Variants in CNTNAP5 observed in about 807,000 individuals in gnomAD.
The protein encoded by CNTNAP5 is contactin-associated protein-like 5.
In CNTNAP5, 72 loss-of-function variants were observed where a neutral mutation model predicts 150.2. That is an observed-to-expected ratio of 0.48 (90% CI 0.40 to 0.58). The LOEUF is 0.58. Among genes scored for constraint, CNTNAP5 ranks in the 20% least tolerant of loss-of-function variants. CNTNAP5 has a pLI of 0.00. For missense variants in CNTNAP5, 1,636 were observed against 1,626.2 expected, an observed-to-expected ratio of 1.01 and a Z score of -0.10; for synonymous variants, 672 against 619.8, an observed-to-expected ratio of 1.08 and a Z score of -1.25.
At chr2:124,529,292 T>C (rs185485839) in intron 10 of CNTNAP5, among the ~76,000 whole-genome samples, 23 of 152,290 alleles carry the variant, frequency 1.5e-4, no homozygotes, top group Admixed American at 9.2e-4. Context: ...AACAGGGGTC[T>C]CTTATGCTAC....
At chr2:124,746,671 A>T (rs1222050529) in intron 13 of CNTNAP5, among the ~76,000 whole-genome samples, 3 of 152,196 alleles carry the variant, frequency 2.0e-5, no homozygotes, top group Admixed American at 6.5e-5. Context: ...CTGAGTCTTT[A>T]ACTTCCTCAT....
At chr2:124,205,160 C>A (rs892900016) in intron 1 of CNTNAP5, among the ~76,000 whole-genome samples, 3 of 152,108 alleles carry the variant, frequency 2.0e-5, no homozygotes, top group Non-Finnish European at 4.4e-5. Flanking sequence ...CCATAATACC[C>A]ATGTGTCATG....
Position 124,510,313 on chromosome 2 carries a change from C to CTATATATCTATATA in CNTNAP5, c.1327+5768_1327+5769insATATATATATCTAT, listed in dbSNP as rs1175360881. The stretch of plus-strand genomic sequence containing the variant: ...TATATCTATATATCTATATATATAT[C>CTATATATCTATATA]TATATATCTATCTATATATATATCT... On this transcript the variant is annotated intron_variant, in intron 8 of 23. Coordinates refer to ENST00000682447, the MANE Select transcript of CNTNAP5 (RefSeq NM_001367498.1). Among the ~76,000 whole-genome samples the CTATATATCTATATA allele has an allele frequency of 6.4e-3, 346 of 54,262 alleles. 20 individuals are homozygous for CTATATATCTATATA. The highest frequency in any genetic ancestry group is 0.021 in the African/African-American group (321 of 14,966). 35.6% of individuals were successfully genotyped at this position (54,262 alleles called of 152,430 possible).
At chr2:124,738,982 A>C (rs780411845) in intron 13 of CNTNAP5, among the ~76,000 whole-genome samples, 2 of 152,220 alleles carry the variant, frequency 1.3e-5, no homozygotes, top group Non-Finnish European at 2.9e-5. Flanking sequence ...CAATGCCCAA[A>C]GAATCATTTA....
chr2:124,542,433 AT>A (rs1182066285), intron 10 of CNTNAP5, among the ~76,000 whole-genome samples: 20 of 151,974 alleles, frequency 1.3e-4, no homozygotes, highest in Admixed American at 5.3e-4. Context: ...TCCCAGCTGC[AT>A]TTTAACAGGA....
At chr2:124,891,745 A>G (rs924913329) in intron 21 of CNTNAP5, among the ~76,000 whole-genome samples, 1 of 152,058 alleles carries the variant, frequency 6.6e-6, no homozygotes, top group Non-Finnish European at 1.5e-5. Context: ...AATATTCACT[A>G]TCTTTTTCTT....
intron 2 of CNTNAP5, among the ~76,000 whole-genome samples, chr2:124,241,667 G>T (rs952515949): frequency 6.6e-6 from 1 of 152,120 alleles, no homozygotes; most frequent in Non-Finnish European, 1.5e-5. Context: ...CTCTTCAAAG[G>T]CATAGTCGGT....
At chr2:124,084,924 G>GTTTTTTTTTTTTTT (rs71394021) in intron 1 of CNTNAP5, among the ~76,000 whole-genome samples, 1,789 of 89,976 alleles carry the variant, frequency 0.02, 177 homozygotes, top group Non-Finnish European at 0.024. Context: ...CAAGTTTCCT[G>GTTTTTTTTTTTTTT]TTTTTTTTTT....
chr2:124,423,336 C>A (rs1692154994), intron 4 of CNTNAP5, among the ~76,000 whole-genome samples: 1 of 151,872 alleles, frequency 6.6e-6, no homozygotes, highest in Admixed American at 6.6e-5. Flanking sequence ...TTTTTTTTCC[C>A]ACTCTTACTC....
At chr2:124,285,958 G>A (rs1157826819) in intron 3 of CNTNAP5, among the ~76,000 whole-genome samples, 1 of 152,024 alleles carries the variant, frequency 6.6e-6, no homozygotes, top group Admixed American at 6.6e-5. Flanking sequence ...GATCTCATTT[G>A]GGTACCCTTT....
Position 124,549,522 on chromosome 2 carries a change from G to A in CNTNAP5, c.1650-13695G>A, listed in dbSNP as rs574990640. Among the ~76,000 whole-genome samples the A allele has an allele frequency of 3.3e-5, 5 of 152,244 alleles. No individual in the cohort carries two copies. The South Asian group carries it at 1.0e-3, about 32-fold the overall frequency. On this transcript the variant is annotated intron_variant, in intron 10 of 23. Transcript: ENST00000682447. ...AAAATAATTCTTTGATCCAGGGGGA[G>A]GAGTGTCAAAATTTGCAGTCATACA...
intron 12 of CNTNAP5, among the ~76,000 whole-genome samples, chr2:124,613,362 A>G (rs1677424825): frequency 6.6e-6 from 1 of 152,170 alleles, no homozygotes; most frequent in Admixed American, 6.5e-5. Flanking sequence ...AGAGCACCAG[A>G]AGGCAGGAAA....
chr2:124,775,144 C>G (rs1681292944), intron 17 of CNTNAP5, among the ~76,000 whole-genome samples: 1 of 152,144 alleles, frequency 6.6e-6, no homozygotes, highest in South Asian at 2.1e-4. Context: ...AATGGTCTTT[C>G]AGTTTGAATT....
chr2:124,901,491 G>A (rs1228689913), intron 21 of CNTNAP5, among the ~76,000 whole-genome samples: 1 of 152,110 alleles, frequency 6.6e-6, no homozygotes, highest in Non-Finnish European at 1.5e-5. Flanking sequence ...AAATAGAGAA[G>A]GAGTCTACAG....
chr2:124,447,701 G>A (rs1210013067), intron 6 of CNTNAP5, among the ~76,000 whole-genome samples: 1 of 152,152 alleles, frequency 6.6e-6, no homozygotes, highest in East Asian at 1.9e-4. Flanking sequence ...ATATAATTAT[G>A]TATTTATATA....
At chr2:124,648,020 G>A in intron 13 of CNTNAP5, 62 bp downstream of exon 13, 1 of 1,481,544 alleles carries the variant, frequency 6.7e-7, no homozygotes, top group Non-Finnish European at 9.1e-7. Context: ...TGGAGTATTA[G>A]GCAAAGGAAA....
intron 3 of CNTNAP5, among the ~76,000 whole-genome samples, chr2:124,344,719 T>G (rs1240126422): frequency 6.6e-6 from 1 of 152,118 alleles, no homozygotes; most frequent in Non-Finnish European, 1.5e-5. Flanking sequence ...TAGCACCACT[T>G]CACTGCAGCA....
At chr2:124,140,103 C>T (rs1573784488) in intron 1 of CNTNAP5, among the ~76,000 whole-genome samples, 1 of 151,778 alleles carries the variant, frequency 6.6e-6, no homozygotes, top group Non-Finnish European at 1.5e-5. Flanking sequence ...CGGCGCACCA[C>T]GAGACTATAT....
chr2:124,752,872 C>T (rs1217453956), intron 14 of CNTNAP5, among the ~76,000 whole-genome samples: 1 of 152,096 alleles, frequency 6.6e-6, no homozygotes, highest in East Asian at 1.9e-4. Context: ...GAAAAACAGT[C>T]ATCCAGCAAG....
Sources: allele counts gnomAD v4.1 joint callset (sites outside exome capture counted in the v4.1 genomes callset), GRCh38; gene constraint gnomAD v4.1.1; transcripts MANE v1.5; gene names NCBI Gene and HGNC (gene_info 2026-07-23, HGNC 2026-07-21).